Variants in INHBC observed in about 807,000 individuals in gnomAD.
INHBC encodes inhibin beta C chain.
A neutral mutation model predicts 12.4 loss-of-function variants in INHBC; 10 were observed. That is an observed-to-expected ratio of 0.81 (90% CI 0.50 to 1.37). The LOEUF is 1.37. Among genes scored for constraint, INHBC ranks in the 40% most tolerant of loss-of-function variants. The pLI, the probability that INHBC is intolerant of heterozygous loss-of-function variation, is 0.00. For missense variants in INHBC, 382 were observed against 439.4 expected, an observed-to-expected ratio of 0.87 and a Z score of 1.17; for synonymous variants, 147 against 171.6, an observed-to-expected ratio of 0.86 and a Z score of 1.12.
rs766878780 is a variant in INHBC, at chr12:57,434,997, G to C, written c.111G>C (p.Glu37Asp). The C allele has an allele frequency of 1.2e-6, 2 of 1,614,088 alleles. No homozygotes were observed. Among genetic ancestry groups the C allele is most frequent in the Non-Finnish European group, 1.7e-6 (2 of 1,180,052 alleles). ...GTGGGGGGCCCACCTTGGAACTGGA[G>C]AGCCAGCGGGAGCTGCTTCTTGATC... ...PACGGPTLEL[E>D]SQRELLLDLA... is the part of the protein sequence containing the mutation. The change falls in exon 1 of 2, where the codon GAG becomes GAC. Residue 37 changes from glutamate (E) to aspartate (D), a missense_variant. Coordinates refer to ENST00000309668, the MANE Select transcript of INHBC (RefSeq NM_005538.4).
rs528959894 is a variant in INHBC, at chr12:57,442,882, T to G, written c.314-6395T>G. Among the ~76,000 whole-genome samples the G allele has an allele frequency of 2.2e-4, 33 of 151,068 alleles. No homozygotes were observed. The East Asian group carries it at 6.2e-3, about 29-fold the overall frequency. On this transcript the variant is annotated intron_variant, in intron 1 of 1. Coordinates refer to ENST00000309668, the MANE Select transcript of INHBC (RefSeq NM_005538.4). ...GGCAGGTGCCTCTAATCCCAGCTAC[T>G]CGGGAGGCAGAGGCAGGAGAATTGC... is the stretch of plus-strand genomic sequence containing the variant.
chr12:57,449,084 C>T (rs1455034869), intron 1 of INHBC, among the ~76,000 whole-genome samples, 193 bp from the exon 2 acceptor site: 1 of 152,170 alleles, frequency 6.6e-6, no homozygotes, highest in Non-Finnish European at 1.5e-5. Flanking sequence ...ACCCAAACAC[C>T]TCCCATTAGG....
At chr12:57,444,767 C>T (rs1344832705) in intron 1 of INHBC, among the ~76,000 whole-genome samples, 1 of 152,046 alleles carries the variant, frequency 6.6e-6, no homozygotes, top group East Asian at 1.9e-4. Flanking sequence ...CAGCTTTGAC[C>T]TCCTGGGCTC....
In INHBC at chr12:57,450,183, C is replaced by T. The variant is rs1002481400; in HGVS notation, c.*161C>T. The T allele has an allele frequency of 2.8e-6, 2 of 706,702 alleles. No individual in the cohort carries two copies. The highest frequency in any genetic ancestry group is 3.6e-5 in the African/African-American group (2 of 55,250). 43.8% of individuals were successfully genotyped at this position (706,702 alleles called of 1,614,324 possible). A position where few individuals can be genotyped will look rare whatever the true frequency, so the allele number is the denominator to read the frequency against. On this transcript the variant is annotated 3_prime_UTR_variant, in exon 2 of 2. Transcript: ENST00000309668. ...TTACCCCACCTTTGACTTGAAGAAA[C>T]CTTCATCTAAAGCAAGTCACTGTGC...
At chr12:57,447,892 A>AAAAAAATATATAT (rs1555325179) in intron 1 of INHBC, among the ~76,000 whole-genome samples, 13 of 19,866 alleles carry the variant, frequency 6.5e-4, no homozygotes, top group Non-Finnish European at 8.4e-4. Flanking sequence ...AAAAAAAAAA[A>AAAAAAATATATAT]ATATATATAT....
intron 1 of INHBC, among the ~76,000 whole-genome samples, chr12:57,446,875 T>C (rs1870590602): frequency 6.6e-6 from 1 of 151,972 alleles, no homozygotes; most frequent in Non-Finnish European, 1.5e-5. Flanking sequence ...GTGGCCACTG[T>C]TATAAAAGCC....
chr12:57,448,740 CAG>C, intron 1 of INHBC, among the ~76,000 whole-genome samples: 1 of 152,214 alleles, frequency 6.6e-6, no homozygotes, highest in South Asian at 2.1e-4. Context: ...AGAATTATAA[CAG>C]AGTTGTGTCA....
chr12:57,437,700 G>A (rs1260408096), intron 1 of INHBC, among the ~76,000 whole-genome samples: 1 of 150,612 alleles, frequency 6.6e-6, no homozygotes, highest in Non-Finnish European at 1.5e-5. Context: ...GAAAGAAAAT[G>A]CCAATTGAGC....
intron 1 of INHBC, among the ~76,000 whole-genome samples, chr12:57,439,835 T>G (rs1870423909): frequency 6.6e-6 from 1 of 152,098 alleles, no homozygotes; most frequent in Non-Finnish European, 1.5e-5. Context: ...AAGCAAAGCG[T>G]TTTTTTGGTT....
intron 1 of INHBC, among the ~76,000 whole-genome samples, chr12:57,446,232 G>A (rs749804080): frequency 9.2e-5 from 14 of 151,716 alleles, no homozygotes; most frequent in Middle Eastern, 3.2e-3. Flanking sequence ...CACCACACCC[G>A]GCCTAAAAAT....
chr12:57,446,767 T>C (rs1249566686), intron 1 of INHBC, among the ~76,000 whole-genome samples: 2 of 152,002 alleles, frequency 1.3e-5, no homozygotes, highest in Non-Finnish European at 2.9e-5. Context: ...TCTCCCAAAG[T>C]TCTGGGACAA....
At chr12:57,437,544 G>A (rs1202998004) in intron 1 of INHBC, among the ~76,000 whole-genome samples, 1 of 151,268 alleles carries the variant, frequency 6.6e-6, no homozygotes, top group Admixed American at 6.6e-5. Flanking sequence ...GGTGGCAGGC[G>A]CCTGTAGTCC....
At chr12:57,442,727 C>A (rs970726959) in intron 1 of INHBC, among the ~76,000 whole-genome samples, 4 of 152,120 alleles carry the variant, frequency 2.6e-5, no homozygotes, top group African/African-American at 9.7e-5. Flanking sequence ...CGTTGGCTCA[C>A]ACCTGTAATC....
rs10577805 is a variant in INHBC, at chr12:57,448,567, T to TA, written c.314-687dup. Among the ~76,000 whole-genome samples, 951 of 121,568 alleles carry TA rather than the reference T, an allele frequency of 7.8e-3. 10 individuals carry two copies. The highest frequency in any genetic ancestry group is 0.058 in the East Asian group (250 of 4,282). The allele number at this position is 121,568 out of a possible 152,430, so 79.8% of individuals were successfully genotyped here. ...CTAGGTGACAGAATGAGACTCCGTC[T>TA]AAAAAAAAAAAAAAAAAAAAAAATT... On this transcript the variant is annotated intron_variant, in intron 1 of 1. Coordinates refer to ENST00000309668, the MANE Select transcript of INHBC (RefSeq NM_005538.4).
rs754838154 is a variant in INHBC, at chr12:57,449,716, GTTT to G, written c.757_759del (p.Phe253del). 6.2e-7 allele frequency: 1 copy of G among 1,614,274 alleles called. No homozygotes were observed. The highest frequency in any genetic ancestry group is 1.3e-5 in the African/African-American group (1 of 75,070). The stretch of plus-strand genomic sequence containing the variant: ...GGTCCAGGATGTGCTGTCGACAAGA[GTTT>G]TTTGTGGACTTCCGTGAGATTGGCT... On this transcript the variant is annotated inframe_deletion, in exon 2 of 2. Transcript: ENST00000309668.
rs1870709879 is a variant in INHBC at position 57,451,405 on chromosome 12, G to A, written c.*1383G>A. On this transcript the variant is annotated 3_prime_UTR_variant, in exon 2 of 2. Coordinates refer to ENST00000309668, the MANE Select transcript of INHBC (RefSeq NM_005538.4). Reference sequence around the variant, plus strand: ...CTGCCTGGAAGCTGGAATGGGCAAGGGCTGCTGGAGTGGGACAGGGAGAAG... The same window carrying A: ...CTGCCTGGAAGCTGGAATGGGCAAGAGCTGCTGGAGTGGGACAGGGAGAAG... 6.6e-6 allele frequency among the ~76,000 whole-genome samples: 1 copy of A among 152,178 alleles called. No individual in the cohort carries two copies. Among genetic ancestry groups the A allele is most frequent in the Admixed American group, 6.5e-5 (1 of 15,276 alleles).
chr12:57,447,605 C>T (rs1594730073), intron 1 of INHBC, among the ~76,000 whole-genome samples: 1 of 150,162 alleles, frequency 6.7e-6, no homozygotes, highest in African/African-American at 2.4e-5. Context: ...AATATATAGG[C>T]CAGGCGCGGT....
At chr12:57,448,374 G>C (rs1870634397) in intron 1 of INHBC, among the ~76,000 whole-genome samples, 1 of 151,954 alleles carries the variant, frequency 6.6e-6, no homozygotes, top group African/African-American at 2.4e-5. Flanking sequence ...TTCAAGACCA[G>C]CCTGGCCAAC....
At chr12:57,437,524 A>G (rs961726368) in intron 1 of INHBC, among the ~76,000 whole-genome samples, 1 of 151,686 alleles carries the variant, frequency 6.6e-6, no homozygotes, top group African/African-American at 2.4e-5. Context: ...AAAAAAAATT[A>G]GCTGGGCATG....
Sources: gnomAD v4.1 joint callset for allele counts (sites outside exome capture counted in the v4.1 genomes callset) on GRCh38, gnomAD v4.1.1 for gene constraint, MANE v1.5 for transcripts, NCBI Gene and HGNC (gene_info 2026-07-23, HGNC 2026-07-21) for gene names.